The following EYA4 variants were observed in gnomAD, a reference collection of about 807,000 sequenced individuals.
The protein encoded by EYA4 is protein phosphatase EYA4.
A neutral mutation model predicts 87.9 loss-of-function variants in EYA4; 31 were observed. The observed-to-expected ratio is 0.35, with a 90% confidence interval of 0.27 to 0.48. The LOEUF is 0.48. EYA4 is among the 20% of genes least tolerant of loss of function. EYA4 has a pLI of 0.99. For missense variants in EYA4, 678 were observed against 761.4 expected (o/e 0.89, Z 1.29); for synonymous variants, 263 against 270.6 (o/e 0.97, Z 0.28).
intron 2 of EYA4, among the ~76,000 whole-genome samples, chr6:133,313,393 G>T (rs1360523716): frequency 6.6e-6 from 1 of 152,130 alleles, no homozygotes; most frequent in African/African-American, 2.4e-5. Flanking sequence ...CACATGAAGT[G>T]ATTCTTACTG....
chr6:133,357,307 C>T (rs114091217), intron 2 of EYA4, among the ~76,000 whole-genome samples: 5,786 of 135,476 alleles, frequency 0.043, 389 homozygotes, highest in African/African-American at 0.16. Flanking sequence ...GCAGAAAAAA[C>T]TAACTAGTCT....
chr6:133,419,976 T>G (rs564986939), intron 3 of EYA4, among the ~76,000 whole-genome samples: 2 of 152,262 alleles, frequency 1.3e-5, no homozygotes, highest in African/African-American at 4.8e-5. Context: ...GTATGTGTTA[T>G]GTGTGAAGGT....
At chr6:133,493,945 C>T (rs1797407565) in intron 13 of EYA4, among the ~76,000 whole-genome samples, 1 of 152,106 alleles carries the variant, frequency 6.6e-6, no homozygotes, top group African/African-American at 2.4e-5. Context: ...TGAGGTTGTA[C>T]AGAAAAGGGA....
intron 3 of EYA4, among the ~76,000 whole-genome samples, chr6:133,433,438 A>G (rs1249364881): frequency 6.6e-6 from 1 of 152,246 alleles, no homozygotes; most frequent in Admixed American, 6.5e-5. Flanking sequence ...ATCTGGAGGT[A>G]TACCTCTAGT....
intron 3 of EYA4, 64 bp downstream of exon 3, chr6:133,382,505 T>G: frequency 9.6e-7 from 1 of 1,040,216 alleles, no homozygotes; most frequent in Non-Finnish European, 1.5e-6. Context: ...ACTAGTAAGA[T>G]GTTATACCTG....
At chr6:133,422,567 A>G (rs552436165) in intron 3 of EYA4, among the ~76,000 whole-genome samples, 20 of 152,186 alleles carry the variant, frequency 1.3e-4, no homozygotes, top group Admixed American at 3.3e-4. Flanking sequence ...AAACCATGTT[A>G]TGGAATAATT....
At chr6:133,370,773 C>T (rs1305952185) in intron 2 of EYA4, among the ~76,000 whole-genome samples, 1 of 152,072 alleles carries the variant, frequency 6.6e-6, no homozygotes, top group Non-Finnish European at 1.5e-5. Context: ...TTGAACTTTT[C>T]ATTAGATTTG....
At chr6:133,371,971 T>A (rs1421822034) in intron 2 of EYA4, among the ~76,000 whole-genome samples, 1 of 152,136 alleles carries the variant, frequency 6.6e-6, no homozygotes, top group African/African-American at 2.4e-5. Context: ...ACCTAATCTA[T>A]AATTCCTATA....
intron 6 of EYA4, among the ~76,000 whole-genome samples, chr6:133,459,359 A>G (rs761159211): frequency 5.9e-5 from 9 of 152,148 alleles, no homozygotes; most frequent in Non-Finnish European, 1.0e-4. Flanking sequence ...GAGTTCATGT[A>G]TATGAGTTTT....
chr6:133,400,485 G>A (rs1788167046), intron 3 of EYA4, among the ~76,000 whole-genome samples: 1 of 147,904 alleles, frequency 6.8e-6, no homozygotes, highest in Non-Finnish European at 1.5e-5. Context: ...TCTAGCTTGG[G>A]TGACAAAGCA....
intron 12 of EYA4, 49 bp downstream of exon 12, chr6:133,481,648 GAAT>G (rs751955934): frequency 8.9e-6 from 14 of 1,579,546 alleles, no homozygotes; most frequent in East Asian, 4.5e-5. Flanking sequence ...TTATTTTACC[GAAT>G]GATACATTCT....
intron 1 of EYA4, among the ~76,000 whole-genome samples, chr6:133,272,075 A>G (rs1335921820): frequency 2.6e-5 from 4 of 152,194 alleles, no homozygotes; most frequent in African/African-American, 7.2e-5. Context: ...TTTCTCCTTC[A>G]TGCAAAGTGC....
At chr6:133,369,349 A>G (rs1785093704) in intron 2 of EYA4, among the ~76,000 whole-genome samples, 2 of 152,066 alleles carry the variant, frequency 1.3e-5, no homozygotes, top group South Asian at 4.2e-4. Context: ...TTTCATTAGA[A>G]ATTAATATAT....
intron 13 of EYA4, among the ~76,000 whole-genome samples, chr6:133,498,077 T>C (rs767096700): frequency 2.6e-5 from 4 of 152,240 alleles, no homozygotes; most frequent in African/African-American, 7.2e-5. Flanking sequence ...AGCATTTGGC[T>C]GGATTTTAAA....
chr6:133,379,621 C>T (rs1485507580), intron 2 of EYA4, among the ~76,000 whole-genome samples: 2 of 152,140 alleles, frequency 1.3e-5, no homozygotes, highest in Admixed American at 6.6e-5. Context: ...AATTCTATCT[C>T]AGAAGTGTTT....
chr6:133,316,628 T>C (rs1780644333), intron 2 of EYA4, among the ~76,000 whole-genome samples: 1 of 152,226 alleles, frequency 6.6e-6, no homozygotes, highest in Non-Finnish European at 1.5e-5. Context: ...TACCCCTCTT[T>C]GGCCCTGCTG....
At chr6:133,330,488 T>TA (rs1456590576) in intron 2 of EYA4, among the ~76,000 whole-genome samples, 4 of 151,598 alleles carry the variant, frequency 2.6e-5, no homozygotes, top group East Asian at 1.9e-4. Flanking sequence ...AAATCCCATT[T>TA]AAAAAATCTC....
chr6:133,358,529 AC>A (rs1390202450), intron 2 of EYA4, among the ~76,000 whole-genome samples: 3 of 152,212 alleles, frequency 2.0e-5, no homozygotes, highest in Non-Finnish European at 2.9e-5. Flanking sequence ...TCTAGGTTTT[AC>A]CCATTTAAAG....
At chr6:133,291,594 A>G (rs1412729087) in intron 2 of EYA4, among the ~76,000 whole-genome samples, 1 of 152,244 alleles carries the variant, frequency 6.6e-6, no homozygotes, top group Admixed American at 6.5e-5. Flanking sequence ...CTAATATTAA[A>G]GAAAGTAAGG....
Sources: gnomAD v4.1 joint callset for allele counts (sites outside exome capture counted in the v4.1 genomes callset) on GRCh38, gnomAD v4.1.1 for gene constraint, MANE v1.5 for transcripts, NCBI Gene and HGNC (gene_info 2026-07-23, HGNC 2026-07-21) for gene names.